The following AP2S1 variants were observed in gnomAD, a reference collection of about 807,000 sequenced individuals.
AP2S1 encodes adaptor related protein complex 2 subunit sigma 1.
A neutral mutation model predicts 21.0 loss-of-function variants in AP2S1; 6 were observed. That is an observed-to-expected ratio of 0.29 (90% CI 0.16 to 0.56). The LOEUF is 0.56. Among genes scored for constraint, AP2S1 ranks in the 20% least tolerant of loss-of-function variants. AP2S1 has a pLI of 0.92. For missense variants in AP2S1, 60 were observed against 186.2 expected, an observed-to-expected ratio of 0.32 and a Z score of 3.95; for synonymous variants, 63 against 74.6, an observed-to-expected ratio of 0.84 and a Z score of 0.80.
At chr19:46,846,208 A>T in intron 1 of AP2S1, 66 bp from the exon 2 acceptor site, 1 of 1,584,700 alleles carries the variant, frequency 6.3e-7, no homozygotes, top group South Asian at 1.1e-5. Flanking sequence ...GTGCTGCCCA[A>T]CGGCCCCACC....
chr19:46,839,797 A>G, intron 2 of AP2S1: 2 of 726,750 alleles, frequency 2.8e-6, no homozygotes, highest in Non-Finnish European at 2.2e-6. Context: ...ATGGGCTGTG[A>G]GAGCCCAAAG....
At position 46,839,401 on chromosome 19, in the gene AP2S1, G is replaced by A. The variant is rs1030141854; in HGVS notation, c.267+64C>T. On this transcript the variant is annotated intron_variant, in intron 3 of 4. Transcript: ENST00000263270. ...AGGAGGGACCAGGGAGGGTTCCCAG[G>A]CCTTGGGGGCCACTCCAGGGCTGCC... 2 of 1,578,792 alleles carry A rather than the reference G, an allele frequency of 1.3e-6. No individual in the cohort carries two copies. The highest frequency in any genetic ancestry group is 4.5e-5 in the East Asian group (2 of 44,020).
At chr19:46,849,513 G>A (rs947045066) in intron 1 of AP2S1, among the ~76,000 whole-genome samples, 1 of 152,154 alleles carries the variant, frequency 6.6e-6, no homozygotes, top group East Asian at 1.9e-4. Flanking sequence ...CAGAGCCGGA[G>A]ACATATTCAC....
intron 1 of AP2S1, among the ~76,000 whole-genome samples, chr19:46,846,844 T>C (rs1006841976): frequency 6.6e-6 from 1 of 152,132 alleles, no homozygotes. Context: ...GTTTGTATTT[T>C]TGGTAGAGAC....
intron 1 of AP2S1, among the ~76,000 whole-genome samples, chr19:46,846,735 G>A (rs2055642123): frequency 6.6e-6 from 1 of 152,066 alleles, no homozygotes; most frequent in South Asian, 2.1e-4. Flanking sequence ...GCGCAATCTC[G>A]GCTCACTGCA....
At chr19:46,841,406 C>T (rs1247859032) in intron 2 of AP2S1, among the ~76,000 whole-genome samples, 1 of 152,216 alleles carries the variant, frequency 6.6e-6, no homozygotes, top group East Asian at 1.9e-4. Context: ...AGCCTCCCTT[C>T]CTGTTTTAAA....
At chr19:46,849,844 G>A (rs1194639008) in intron 1 of AP2S1, among the ~76,000 whole-genome samples, 1 of 152,042 alleles carries the variant, frequency 6.6e-6, no homozygotes, top group Non-Finnish European at 1.5e-5. Flanking sequence ...TTCTTCAAAA[G>A]GTCACATTTT....
Position 46,844,985 on chromosome 19 carries a change from C to T in AP2S1, c.153+1008G>A, listed in dbSNP as rs140774230. ...GGCGTGGTGGCGAGCACCTGTAATCCCAGCTCCTAGGGAGGCTGAGGCAGA... is the reference window on the plus strand; with the variant it reads ...GGCGTGGTGGCGAGCACCTGTAATCTCAGCTCCTAGGGAGGCTGAGGCAGA... On this transcript the variant is annotated intron_variant, in intron 2 of 4. Transcript: ENST00000263270. 4.1e-4 allele frequency among the ~76,000 whole-genome samples: 62 copies of T among 151,732 alleles called. No individual in the cohort carries two copies. The East Asian group carries it at 0.012, about 29-fold the overall frequency.
intron 1 of AP2S1, among the ~76,000 whole-genome samples, chr19:46,848,870 G>A (rs1467768826): frequency 2.0e-5 from 3 of 150,272 alleles, no homozygotes; most frequent in Middle Eastern, 3.4e-3. Flanking sequence ...ATGCCACCAT[G>A]CCCGGCTAAT....
chr19:46,849,281 C>G (rs2055692391), intron 1 of AP2S1, among the ~76,000 whole-genome samples: 1 of 151,214 alleles, frequency 6.6e-6, no homozygotes, highest in Non-Finnish European at 1.5e-5. Flanking sequence ...GCTGGGATTA[C>G]AGGCATGAGT....
In AP2S1 at chr19:46,850,093, C is replaced by T. The variant is rs140245240; in HGVS notation, c.3+671G>A. 5.6e-4 allele frequency: 677 copies of T among 1,216,988 alleles called. 2 individuals carry two copies. In the African/African-American group the frequency reaches 9.8e-3, roughly 18 times the overall value. 75.4% of individuals were successfully genotyped at this position (1,216,988 alleles called of 1,614,324 possible). On this transcript the variant is annotated intron_variant, in intron 1 of 4. Coordinates refer to ENST00000263270, the MANE Select transcript of AP2S1 (RefSeq NM_004069.6). ...ACAAGATCTCTCCTCTTGGAAAGAC[C>T]TATTCAGTTGCTCCCCATTCTTTCC...
chr19:46,845,387 CAG>C (rs1298506196), intron 2 of AP2S1, among the ~76,000 whole-genome samples: 2 of 151,462 alleles, frequency 1.3e-5, no homozygotes, highest in African/African-American at 4.9e-5. Context: ...GCCTGGGTGA[CAG>C]AGTAAGACTC....
intron 2 of AP2S1, among the ~76,000 whole-genome samples, chr19:46,844,939 TAAA>T (rs1401050546): frequency 6.7e-6 from 1 of 150,166 alleles, no homozygotes; most frequent in African/African-American, 2.5e-5. Context: ...CCATCTCTAC[TAAA>T]AATACAAAAA....
intron 3 of AP2S1, 41 bp downstream of exon 3, chr19:46,839,424 G>GT: frequency 4.0e-6 from 6 of 1,504,488 alleles, no homozygotes; most frequent in Non-Finnish European, 2.8e-6. Context: ...CTCCAGGGCT[G>GT]CCCACCCGCC....
chr19:46,841,809 G>A (rs1435144210), intron 2 of AP2S1, among the ~76,000 whole-genome samples: 3 of 152,236 alleles, frequency 2.0e-5, no homozygotes, highest in South Asian at 4.1e-4. Context: ...GAGATGGGGC[G>A]ATAATCCTGG....
intron 1 of AP2S1, among the ~76,000 whole-genome samples, chr19:46,848,198 A>G (rs1429012507): frequency 6.6e-6 from 1 of 151,976 alleles, no homozygotes; most frequent in African/African-American, 2.4e-5. Context: ...GTGAAACCCC[A>G]TCTGTACTAA....
chr19:46,839,638 G>T, intron 2 of AP2S1, 60 bp from the exon 3 acceptor site: 3 of 1,611,794 alleles, frequency 1.9e-6, no homozygotes, highest in Non-Finnish European at 2.5e-6. Context: ...GCCAGACAGA[G>T]TGGGGCCAAA....
In AP2S1 at chr19:46,850,801, C is replaced by T; in HGVS notation, c.-35G>A. ...CGTCCAGACCCCAGCGGCCCCGGTC[C>T]CGCGGCGACTGGGCAGCTCCGGCTC... On this transcript the variant is annotated 5_prime_UTR_variant, in exon 1 of 5. Transcript: ENST00000263270. The T allele has an allele frequency of 6.5e-7, 1 of 1,550,386 alleles. No individual in the cohort carries two copies. Among genetic ancestry groups the T allele is most frequent in the Non-Finnish European group, 8.7e-7 (1 of 1,148,358 alleles).
At chr19:46,839,408 G>A (rs951524431) in intron 3 of AP2S1, 57 bp downstream of exon 3, 1 of 1,590,566 alleles carries the variant, frequency 6.3e-7, no homozygotes, top group East Asian at 2.3e-5. Flanking sequence ...CAGGCCTTGG[G>A]GGCCACTCCA....
Sources: gnomAD v4.1 joint callset for allele counts (sites outside exome capture counted in the v4.1 genomes callset) on GRCh38, gnomAD v4.1.1 for gene constraint, MANE v1.5 for transcripts, NCBI Gene and HGNC (gene_info 2026-07-23, HGNC 2026-07-21) for gene names.